PCDHA1: variants seen among roughly 807,000 people sequenced by gnomAD.
PCDHA1 encodes protocadherin alpha 1.
In PCDHA1, 42 loss-of-function variants were observed where a neutral mutation model predicts 61.3. That is an observed-to-expected ratio of 0.69 (90% confidence interval 0.54 to 0.89). The LOEUF (loss-of-function observed/expected upper bound fraction) is 0.89. Ranked by LOEUF, PCDHA1 falls within the 40% of genes least tolerant of loss-of-function variation. The probability of loss-of-function intolerance (pLI) is 0.00; values close to 1 mark genes in which losing one functional copy is unlikely to be tolerated. For missense variants in PCDHA1, 1,256 were observed against 1,235.3 expected (o/e 1.02, Z -0.25); for synonymous variants, 610 against 553.8 (o/e 1.10, Z -1.43).
intron 1 of PCDHA1, chr5:140,860,876 T>C (rs1451611710): frequency 6.6e-6 from 1 of 152,390 alleles, no homozygotes; most frequent in Non-Finnish European, 1.5e-5. Flanking sequence ...TAGCTGGGAC[T>C]ACAGGTGCCC....
At chr5:140,796,792 G>C in intron 1 of PCDHA1, 1 of 1,614,160 alleles carries the variant, frequency 6.2e-7, no homozygotes, top group Non-Finnish European at 8.5e-7. Flanking sequence ...GCTTTCGTAC[G>C]AGCTTCAGCT....
In PCDHA1 at chr5:140,823,956, C is replaced by G. The variant is rs2150130724; in HGVS notation, c.2394+35272C>G. ...CGCTGCGGTGCTCGGCGCAGCCCAC[C>G]GAGGCCGTGTGCACACGGGGCAAGC... On this transcript the variant is annotated intron_variant, in intron 1 of 3. Transcript: ENST00000504120. The G allele has an allele frequency of 3.7e-6, 6 of 1,613,908 alleles. No individual in the cohort carries two copies. In the African/African-American group the frequency reaches 6.7e-5, roughly 18 times the overall value.
intron 1 of PCDHA1, among the ~76,000 whole-genome samples, chr5:140,792,080 A>G (rs1761693578): frequency 6.6e-6 from 1 of 152,154 alleles, no homozygotes; most frequent in Non-Finnish European, 1.5e-5. Flanking sequence ...TATGGAGGCC[A>G]GAAGTCCAAA....
At chr5:140,950,579 A>G (rs2094498747) in intron 1 of PCDHA1, among the ~76,000 whole-genome samples, 1 of 151,956 alleles carries the variant, frequency 6.6e-6, no homozygotes, top group African/African-American at 2.4e-5. Flanking sequence ...TTTTCTACTT[A>G]CCTTTGGTTT....
At chr5:140,885,664 A>G (rs2060680895) in intron 1 of PCDHA1, among the ~76,000 whole-genome samples, 1 of 152,174 alleles carries the variant, frequency 6.6e-6, no homozygotes, top group Non-Finnish European at 1.5e-5. Context: ...ACCAGTTATG[A>G]GCACTCTTTC....
At chr5:140,851,405 GAAAGAAA>G in intron 1 of PCDHA1, 2 of 966,032 alleles carry the variant, frequency 2.1e-6, no homozygotes, top group Non-Finnish European at 2.5e-6. Context: ...ATTTTAATAA[GAAAGAAA>G]CTTCCCCTAA....
At position 140,786,718 on chromosome 5, in the gene PCDHA1, C is replaced by T. The variant is rs1451186406; in HGVS notation, c.428C>T (p.Pro143Leu). 2.8e-5 allele frequency: 45 copies of T among 1,614,042 alleles called. No homozygotes were observed. The East Asian group carries it at 8.5e-4, about 30-fold the overall frequency. Reference sequence around the variant, plus strand: ...GGCAGAGAACAAATAATATTTATTCCTGAATCTAGACTCCTGAATTCGCGT... The same window carrying T: ...GGCAGAGAACAAATAATATTTATTCTTGAATCTAGACTCCTGAATTCGCGT... Reference protein sequence around the residue: ...FRGREQIIFIPESRLLNSRFP... With the variant: ...FRGREQIIFILESRLLNSRFP... Residue 143 changes from proline to leucine, a missense_variant, in exon 1 of 4, where the codon CCT becomes CTT. Coordinates refer to ENST00000504120, the MANE Select transcript of PCDHA1 (RefSeq NM_018900.4).
chr5:140,835,607 G>C (rs2150239326), intron 1 of PCDHA1: 11 of 1,613,920 alleles, frequency 6.8e-6, no homozygotes, highest in South Asian at 2.2e-5. Context: ...ATTCATTGGT[G>C]CTGGACAGCG....
intron 1 of PCDHA1, among the ~76,000 whole-genome samples, chr5:140,806,461 C>T (rs1240321144): frequency 6.6e-6 from 1 of 152,166 alleles, no homozygotes; most frequent in Non-Finnish European, 1.5e-5. Context: ...GCTATAACTT[C>T]CTGCTTCCTT....
intron 1 of PCDHA1, chr5:140,809,553 C>G: frequency 6.2e-7 from 1 of 1,610,762 alleles, no homozygotes; most frequent in Non-Finnish European, 8.5e-7. Context: ...CTGCAGACAA[C>G]TGAGGAATCC....
chr5:140,876,398 A>C (rs782094508), intron 1 of PCDHA1: 1 of 1,613,962 alleles, frequency 6.2e-7, no homozygotes, highest in South Asian at 1.1e-5. Flanking sequence ...GGTGAACTGG[A>C]TTTTGAAGAG....
chr5:140,828,632 G>C, intron 1 of PCDHA1: 1 of 1,614,214 alleles, frequency 6.2e-7, no homozygotes, highest in Non-Finnish European at 8.5e-7. Context: ...CTTCGGGCTA[G>C]ATGTGAAAAT....
chr5:140,808,720 T>A, intron 1 of PCDHA1: 1 of 1,612,064 alleles, frequency 6.2e-7, no homozygotes, highest in South Asian at 1.1e-5. Context: ...TTTCGGTGCA[T>A]GCGGAGAGCG....
At chr5:140,831,620 C>A (rs1771646010) in intron 1 of PCDHA1, among the ~76,000 whole-genome samples, 1 of 150,644 alleles carries the variant, frequency 6.6e-6, no homozygotes, top group Admixed American at 6.7e-5. Context: ...ACCTTGGCCT[C>A]CCAAAGTACT....
rs2150220427 is a variant in PCDHA1 at position 140,834,530 on chromosome 5, G to T, written c.2394+45846G>T. 6.8e-6 allele frequency: 11 copies of T among 1,614,068 alleles called. No individual in the cohort carries two copies. In the South Asian group the frequency reaches 1.1e-4, roughly 16 times the overall value. ...ATGGCAACTTCGTGGGCCGCATCGC[G>T]CAGGACCTGGGGCTGGAGCTGGCGG... is the stretch of plus-strand genomic sequence containing the variant. On this transcript the variant is annotated intron_variant, in intron 1 of 3. Coordinates refer to ENST00000504120, the MANE Select transcript of PCDHA1 (RefSeq NM_018900.4).
intron 1 of PCDHA1, among the ~76,000 whole-genome samples, chr5:140,902,203 C>CTTTTTTTTTTTTT (rs148688132): frequency 8.0e-6 from 1 of 124,460 alleles, no homozygotes; most frequent in African/African-American, 3.1e-5. Context: ...CTCTCTCTTT[C>CTTTTTTTTTTTTT]TTTTTTTTTT....
intron 1 of PCDHA1, chr5:140,883,440 C>T (rs781949896): frequency 1.9e-6 from 3 of 1,614,152 alleles, no homozygotes; most frequent in Non-Finnish European, 2.5e-6. Flanking sequence ...ACCTTGACGC[C>T]GCATGTCCCC....
At chr5:140,830,006 G>T (rs755165097) in intron 1 of PCDHA1, 1 of 1,613,960 alleles carries the variant, frequency 6.2e-7, no homozygotes, top group Non-Finnish European at 8.5e-7. Context: ...TGTCCTGGAC[G>T]AAGCGGACTC....
intron 1 of PCDHA1, chr5:140,878,024 G>A (rs2057444305): frequency 7.9e-6 from 6 of 757,742 alleles, no homozygotes; most frequent in South Asian, 2.8e-5. Context: ...AAGGAAATAT[G>A]TAGGTACAAT....
Sources: gnomAD v4.1 joint callset for allele counts (sites outside exome capture counted in the v4.1 genomes callset) on GRCh38, gnomAD v4.1.1 for gene constraint, MANE v1.5 for transcripts, NCBI Gene and HGNC (gene_info 2026-07-23, HGNC 2026-07-21) for gene names.